Variants in ROBO2 observed in about 807,000 individuals in gnomAD.
ROBO2 encodes roundabout guidance receptor 2, also known as roundabout homolog 2.
A neutral mutation model predicts 160.8 loss-of-function variants in ROBO2; 53 were observed. The ratio of observed to expected loss-of-function variants is 0.33; its 90% CI spans 0.26 to 0.41. The LOEUF is 0.41. ROBO2 is among the 10% of genes least tolerant of loss of function. The pLI, the probability that ROBO2 is intolerant of heterozygous loss-of-function variation, is 1.00. For synonymous variants in ROBO2, 664 were observed against 611.7 expected (o/e 1.09, Z -1.26); for missense variants, 1,577 against 1,722.4 (o/e 0.92, Z 1.49).
In ROBO2 at chr3:76,900,841, A is replaced by AT. The variant is rs2075168065; in HGVS notation, c.110-197172dup. ...CCACAGCAAGGCAGATGAAGAAAAG[A>AT]TGGTGTTGAACTGCTTCCTTTCCAT... is the stretch of plus-strand genomic sequence containing the variant. On this transcript the variant is annotated intron_variant, in intron 2 of 26. Coordinates refer to the ROBO2 transcript ENST00000487694. Among the ~76,000 whole-genome samples the AT allele has an allele frequency of 2.0e-5, 3 of 152,180 alleles. No individual in the cohort carries two copies. The South Asian group carries it at 6.2e-4, about 31-fold the overall frequency.
At chr3:76,904,157 T>C (rs1195172612) in intron 2 of ROBO2, among the ~76,000 whole-genome samples, 1 of 152,192 alleles carries the variant, frequency 6.6e-6, no homozygotes, top group Non-Finnish European at 1.5e-5. Context: ...TGATTCATTT[T>C]AACTATTTTT....
chr3:77,360,544 A>G (rs1487983584), intron 2 of ROBO2, among the ~76,000 whole-genome samples: 1 of 151,944 alleles, frequency 6.6e-6, no homozygotes, highest in Non-Finnish European at 1.5e-5. Flanking sequence ...TTACCAATAA[A>G]TTTCTTTGTG....
At chr3:76,319,367 C>T (rs1323173766) in intron 2 of ROBO2, among the ~76,000 whole-genome samples, 5 of 152,062 alleles carry the variant, frequency 3.3e-5, no homozygotes, top group Non-Finnish European at 5.9e-5. Context: ...CTTGCTCTAT[C>T]GAAGACACTT....
At chr3:75,988,662 A>G (rs2065481955) in intron 2 of ROBO2, among the ~76,000 whole-genome samples, 1 of 151,984 alleles carries the variant, frequency 6.6e-6, no homozygotes, top group Non-Finnish European at 1.5e-5. Context: ...ACTATGTCCC[A>G]TAATTTTTGT....
chr3:77,606,411 C>T (rs192425311), intron 20 of ROBO2, among the ~76,000 whole-genome samples: 11 of 152,146 alleles, frequency 7.2e-5, no homozygotes, highest in Non-Finnish European at 1.5e-5. Context: ...GTCTGTAAAC[C>T]CAGATACGAA....
At chr3:77,154,972 A>T (rs370677831) in intron 2 of ROBO2, among the ~76,000 whole-genome samples, 2 of 151,994 alleles carry the variant, frequency 1.3e-5, no homozygotes, top group Non-Finnish European at 2.9e-5. Flanking sequence ...AGCATTACAC[A>T]GTGTACTCAG....
At chr3:77,439,925 C>T (rs1226474343) in intron 2 of ROBO2, among the ~76,000 whole-genome samples, 1 of 152,060 alleles carries the variant, frequency 6.6e-6, no homozygotes, top group Non-Finnish European at 1.5e-5. Context: ...ACATTTTGGC[C>T]TGTTACTTGT....
At chr3:76,852,580 A>G (rs1397454087) in intron 2 of ROBO2, among the ~76,000 whole-genome samples, 2 of 152,174 alleles carry the variant, frequency 1.3e-5, no homozygotes, top group Non-Finnish European at 2.9e-5. Flanking sequence ...AAGGAAAGAG[A>G]TGTTATGCTA....
At chr3:76,191,959 C>T (rs1354721016) in intron 2 of ROBO2, among the ~76,000 whole-genome samples, 2 of 152,098 alleles carry the variant, frequency 1.3e-5, no homozygotes, top group African/African-American at 4.8e-5. Flanking sequence ...AACTCCAGTG[C>T]TCAACTTACC....
chr3:76,169,774 T>C (rs1242834320), intron 2 of ROBO2, among the ~76,000 whole-genome samples: 1 of 152,046 alleles, frequency 6.6e-6, no homozygotes, highest in African/African-American at 2.4e-5. Context: ...GATAGTTTCG[T>C]TATTGTTAAG....
chr3:77,080,899 G>T (rs1559965383), intron 1 of ROBO2, among the ~76,000 whole-genome samples: 1 of 152,254 alleles, frequency 6.6e-6, no homozygotes, highest in East Asian at 1.9e-4. Flanking sequence ...ACATAATTAT[G>T]TATATTTTAC....
At chr3:76,854,947 T>C (rs1682041540) in intron 2 of ROBO2, among the ~76,000 whole-genome samples, 1 of 152,140 alleles carries the variant, frequency 6.6e-6, no homozygotes, top group Non-Finnish European at 1.5e-5. Context: ...AATCAAATAT[T>C]CAATGTGTAG....
intron 2 of ROBO2, among the ~76,000 whole-genome samples, chr3:76,720,612 T>C (rs955904150): frequency 9.2e-5 from 14 of 152,242 alleles, no homozygotes; most frequent in African/African-American, 2.9e-4. Flanking sequence ...AGCATACTTA[T>C]TTTTAACTTT....
chr3:77,123,809 TATAG>T (rs1411836146), intron 2 of ROBO2, among the ~76,000 whole-genome samples: 1 of 149,202 alleles, frequency 6.7e-6, no homozygotes, highest in African/African-American at 2.4e-5. Flanking sequence ...AATCTATCTA[TATAG>T]ATACACATAT....
At chr3:76,712,303 AG>A (rs2093310173) in intron 2 of ROBO2, among the ~76,000 whole-genome samples, 1 of 125,996 alleles carries the variant, frequency 7.9e-6, no homozygotes, top group Admixed American at 8.1e-5. Context: ...GTTTTAGTGA[AG>A]AAAATTCATT....
chr3:77,384,876 C>T (rs1444271767), intron 2 of ROBO2, among the ~76,000 whole-genome samples: 1 of 152,126 alleles, frequency 6.6e-6, no homozygotes, highest in Non-Finnish European at 1.5e-5. Context: ...CCCATTGTTA[C>T]CTCTAAAAAT....
chr3:76,970,596 A>G (rs2059526922), intron 2 of ROBO2, among the ~76,000 whole-genome samples: 1 of 152,156 alleles, frequency 6.6e-6, no homozygotes, highest in Non-Finnish European at 1.5e-5. Context: ...GGGACAGAAG[A>G]GTCTTTCCAG....
intron 10 of ROBO2, 34 bp from the exon 12 acceptor site, chr3:77,563,133 C>A: frequency 6.2e-7 from 1 of 1,608,134 alleles, no homozygotes; most frequent in South Asian, 1.1e-5. Context: ...CTTATGCAAT[C>A]AGGAATGAAG....
intron 2 of ROBO2, among the ~76,000 whole-genome samples, chr3:77,275,705 C>T (rs1344875648): frequency 6.6e-6 from 1 of 152,080 alleles, no homozygotes; most frequent in African/African-American, 2.4e-5. Flanking sequence ...TTTTTTAACA[C>T]GTGTATCAAA....
Sources: gnomAD v4.1 joint callset for allele counts (sites outside exome capture counted in the v4.1 genomes callset) on GRCh38, gnomAD v4.1.1 for gene constraint, MANE v1.5 for transcripts, NCBI Gene and HGNC (gene_info 2026-07-23, HGNC 2026-07-21) for gene names.